The following CNTLN variants were observed in gnomAD, a reference collection of about 807,000 sequenced individuals.
The protein encoded by CNTLN is centlein, centrosomal protein.
A neutral mutation model predicts 180.0 loss-of-function variants in CNTLN; 212 were observed. The ratio of observed to expected loss-of-function variants is 1.18; its 90% confidence interval spans 1.05 to 1.32. The LOEUF (loss-of-function observed/expected upper bound fraction) is 1.32, where lower values mean the gene tolerates loss of function less well. Among genes scored for constraint, CNTLN ranks in the 40% most tolerant of loss-of-function variants. The pLI is 0.00. For synonymous variants in CNTLN, 722 were observed against 563.1 expected (o/e 1.28, Z -3.99); for missense variants, 2,095 against 1,610.9 (o/e 1.30, Z -5.14).
the CNTLN span, among the ~76,000 whole-genome samples, chr9:17,524,501 T>C: frequency 6.6e-6 from 1 of 152,218 alleles, no homozygotes; most frequent in African/African-American, 2.4e-5. Context: ...TTTTCAAATG[T>C]TCAAATGTTA....
intron 14 of CNTLN, among the ~76,000 whole-genome samples, chr9:17,392,813 A>T (rs1826214465): frequency 6.6e-6 from 1 of 152,042 alleles, no homozygotes; most frequent in Non-Finnish European, 1.5e-5. Context: ...AAAAAAGGGT[A>T]ATATAGAAGG....
At chr9:17,360,589 T>C (rs1823292605) in intron 12 of CNTLN, among the ~76,000 whole-genome samples, 1 of 152,152 alleles carries the variant, frequency 6.6e-6, no homozygotes. Context: ...TGGAGTTCCT[T>C]GCTAAGACTG....
At chr9:17,354,502 C>T (rs201031870) in intron 12 of CNTLN, among the ~76,000 whole-genome samples, 2 of 152,152 alleles carry the variant, frequency 1.3e-5, no homozygotes, top group African/African-American at 4.8e-5. Context: ...AAACACACCA[C>T]TCAGCACCCT....
At chr9:17,418,426 C>T (rs1281986267) in intron 18 of CNTLN, among the ~76,000 whole-genome samples, 2 of 151,878 alleles carry the variant, frequency 1.3e-5, no homozygotes, top group Admixed American at 6.6e-5. Context: ...TCTTTCTGGG[C>T]TCTAACATAA....
intron 2 of CNTLN, among the ~76,000 whole-genome samples, chr9:17,144,068 T>G (rs1818285021): frequency 6.6e-6 from 1 of 152,240 alleles, no homozygotes; most frequent in Non-Finnish European, 1.5e-5. Flanking sequence ...ATGGATACCT[T>G]TTCCTTTTTT....
intron 5 of CNTLN, among the ~76,000 whole-genome samples, chr9:17,241,195 C>G (rs774919670): frequency 2.0e-5 from 3 of 152,154 alleles, no homozygotes; most frequent in Non-Finnish European, 4.4e-5. Flanking sequence ...AGTTTGAGGT[C>G]TGTGACTTAA....
chr9:17,211,828 G>A (rs1587167388), intron 2 of CNTLN, among the ~76,000 whole-genome samples: 1 of 152,234 alleles, frequency 6.6e-6, no homozygotes, highest in South Asian at 2.1e-4. Flanking sequence ...TTGTGAATGG[G>A]AGTTCACTCA....
At chr9:17,242,512 T>C (rs1196237471) in intron 5 of CNTLN, among the ~76,000 whole-genome samples, 1 of 152,138 alleles carries the variant, frequency 6.6e-6, no homozygotes, top group Non-Finnish European at 1.5e-5. Flanking sequence ...GGTTTTGCCA[T>C]GTTGGCCAGG....
intron 21 of CNTLN, 37 bp from the exon 22 acceptor site, chr9:17,465,944 T>C (rs966575825): frequency 3.9e-6 from 6 of 1,548,718 alleles, no homozygotes; most frequent in African/African-American, 1.4e-5. Context: ...CTAGAATGCC[T>C]TCAACAATAA....
At chr9:17,442,386 G>A (rs1241086814) in intron 18 of CNTLN, among the ~76,000 whole-genome samples, 1 of 152,146 alleles carries the variant, frequency 6.6e-6, no homozygotes, top group East Asian at 1.9e-4. Context: ...CCACAAATGT[G>A]TAGAAATTAA....
intron 3 of CNTLN, among the ~76,000 whole-genome samples, chr9:17,234,611 C>G (rs141372612): frequency 6.6e-6 from 1 of 151,698 alleles, no homozygotes; most frequent in Admixed American, 6.6e-5. Context: ...TAAAATAAAT[C>G]GATATTTAGG....
intron 2 of CNTLN, among the ~76,000 whole-genome samples, chr9:17,212,969 C>G (rs147629610): frequency 6.6e-6 from 1 of 151,962 alleles, no homozygotes; most frequent in African/African-American, 2.4e-5. Context: ...GTCTTGCTAG[C>G]GGTCTATCAA....
At chr9:17,474,545 C>T (rs1382633541) in intron 23 of CNTLN, among the ~76,000 whole-genome samples, 3 of 152,128 alleles carry the variant, frequency 2.0e-5, no homozygotes, top group Non-Finnish European at 2.9e-5. Flanking sequence ...ACAGTCTTTT[C>T]TCCATCTGTT....
intron 6 of CNTLN, among the ~76,000 whole-genome samples, chr9:17,280,051 A>G (rs957297878): frequency 1.3e-5 from 2 of 152,176 alleles, no homozygotes. Flanking sequence ...GAACCCTTCA[A>G]CCTTGGACTT....
intron 13 of CNTLN, 27 bp from the exon 14 acceptor site, chr9:17,388,135 C>A (rs375532418): frequency 8.6e-5 from 126 of 1,458,802 alleles, no homozygotes; most frequent in Non-Finnish European, 1.2e-4. Context: ...CACGTGGTAT[C>A]ATAATATATT....
the CNTLN span, among the ~76,000 whole-genome samples, chr9:17,512,278 C>T: frequency 7.9e-5 from 12 of 152,244 alleles, no homozygotes; most frequent in Middle Eastern, 6.8e-3. Flanking sequence ...ATCTACATAC[C>T]GTATCAGTAG....
chr9:17,153,473 G>T (rs1008019267), intron 2 of CNTLN, among the ~76,000 whole-genome samples: 7 of 152,200 alleles, frequency 4.6e-5, no homozygotes, highest in Non-Finnish European at 7.3e-5. Flanking sequence ...TAAGAACATT[G>T]AATATTGGCC....
At chr9:17,449,910 G>A (rs1022413480) in intron 18 of CNTLN, among the ~76,000 whole-genome samples, 5 of 152,154 alleles carry the variant, frequency 3.3e-5, no homozygotes, top group African/African-American at 7.2e-5. Context: ...AGAATTAAAA[G>A]TATTAGTAAA....
At chr9:17,313,405 T>G (rs1223198756) in intron 8 of CNTLN, among the ~76,000 whole-genome samples, 1 of 148,776 alleles carries the variant, frequency 6.7e-6, no homozygotes, top group Admixed American at 6.8e-5. Context: ...TCCTTTTGGA[T>G]TAATTAACTG....
Sources: gnomAD v4.1 joint callset for allele counts (sites outside exome capture counted in the v4.1 genomes callset) on GRCh38, gnomAD v4.1.1 for gene constraint, MANE v1.5 for transcripts, NCBI Gene and HGNC (gene_info 2026-07-23, HGNC 2026-07-21) for gene names.